Variants in XKR6 observed in about 807,000 individuals in gnomAD.
XKR6 encodes the protein XK related 6, also known as XK-related protein 6.
Under a neutral mutation model 56.7 loss-of-function variants are expected in XKR6, and 22 were observed. The observed-to-expected ratio is 0.39, with a 90% CI of 0.28 to 0.55. The LOEUF is 0.55. Ranked by LOEUF, XKR6 falls within the 20% of genes least tolerant of loss-of-function variation. The pLI is 0.66. For missense variants in XKR6, 852 were observed against 889.0 expected (o/e 0.96, Z 0.53); for synonymous variants, 524 against 387.8 (o/e 1.35, Z -4.13).
At chr8:11,142,573 T>G (rs1800761532) in intron 1 of XKR6, among the ~76,000 whole-genome samples, 1 of 152,130 alleles carries the variant, frequency 6.6e-6, no homozygotes, top group African/African-American at 2.4e-5. Flanking sequence ...TCACACGAGA[T>G]CTGATTGCTT....
Position 11,130,729 on chromosome 8 carries a change from G to C in XKR6, c.764+69847C>G, listed in dbSNP as rs149461358. ...TGTGTATCTTCCATCACAAGCCAAG[G>C]GATATGCTGAACAAATAAGAAGTAC... On this transcript the variant is annotated intron_variant, in intron 1 of 2. Transcript: ENST00000416569. Among the ~76,000 whole-genome samples, 569 of 151,996 alleles carry C rather than the reference G, an allele frequency of 3.7e-3. 4 individuals are homozygous for C. Among genetic ancestry groups the C allele is most frequent in the Non-Finnish European group, 5.0e-3 (340 of 67,990 alleles).
chr8:11,136,478 C>T (rs915611280), intron 1 of XKR6, among the ~76,000 whole-genome samples: 1 of 145,404 alleles, frequency 6.9e-6, no homozygotes, highest in Non-Finnish European at 1.5e-5. Context: ...CACTCCAGCC[C>T]GGGCAACAAA....
intron 1 of XKR6, among the ~76,000 whole-genome samples, chr8:11,176,548 A>G (rs1042777203): frequency 6.6e-6 from 1 of 152,136 alleles, no homozygotes; most frequent in African/African-American, 2.4e-5. Flanking sequence ...GTCAAGCCAG[A>G]TTTTACATCA....
chr8:11,021,999 A>G (rs527311663), intron 1 of XKR6, among the ~76,000 whole-genome samples: 101 of 151,550 alleles, frequency 6.7e-4, no homozygotes, highest in African/African-American at 2.3e-3. Flanking sequence ...TGAGCACTGG[A>G]CTGCACACTG....
intron 1 of XKR6, among the ~76,000 whole-genome samples, chr8:11,030,837 G>A (rs28714670): frequency 0.039 from 5,905 of 152,286 alleles, 393 homozygotes; most frequent in African/African-American, 0.14. Flanking sequence ...CCAAAATGAG[G>A]AGGGAATTGC....
At chr8:11,122,007 G>A (rs1799482840) in intron 1 of XKR6, among the ~76,000 whole-genome samples, 1 of 152,200 alleles carries the variant, frequency 6.6e-6, no homozygotes, top group Admixed American at 6.5e-5. Context: ...GATACAGGAA[G>A]GGGAACATCA....
chr8:10,976,168 T>C (rs1361447973), intron 1 of XKR6, among the ~76,000 whole-genome samples: 1 of 147,990 alleles, frequency 6.8e-6, no homozygotes, highest in Non-Finnish European at 1.5e-5. Context: ...AGAGCAAGAC[T>C]CCATCTCAAG....
At chr8:11,134,536 A>G (rs1410598120) in intron 1 of XKR6, among the ~76,000 whole-genome samples, 1 of 152,140 alleles carries the variant, frequency 6.6e-6, no homozygotes, top group African/African-American at 2.4e-5. Context: ...GTGCCATATG[A>G]ATGTGTGGCA....
At chr8:10,945,736 T>C (rs1331279020) in intron 1 of XKR6, among the ~76,000 whole-genome samples, 1 of 152,216 alleles carries the variant, frequency 6.6e-6, no homozygotes, top group African/African-American at 2.4e-5. Context: ...GGAAAGTTCA[T>C]ATGTCTCTAT....
chr8:10,972,124 C>T (rs572244582), intron 1 of XKR6, among the ~76,000 whole-genome samples: 7 of 152,222 alleles, frequency 4.6e-5, no homozygotes, highest in East Asian at 1.9e-4. Flanking sequence ...GAGTGCCTTC[C>T]GACCCCGACT....
chr8:11,136,112 C>A (rs546589936), intron 1 of XKR6, among the ~76,000 whole-genome samples: 2 of 152,208 alleles, frequency 1.3e-5, no homozygotes, highest in East Asian at 1.9e-4. Context: ...ATCCCACCAC[C>A]GGAAGTATCT....
chr8:11,168,370 T>C (rs1019673721), intron 1 of XKR6, among the ~76,000 whole-genome samples: 3 of 152,160 alleles, frequency 2.0e-5, no homozygotes, highest in African/African-American at 7.2e-5. Flanking sequence ...TAAACATAAA[T>C]GCACCAAACA....
intron 1 of XKR6, among the ~76,000 whole-genome samples, chr8:11,082,964 G>C (rs987659201): frequency 1.3e-5 from 2 of 152,192 alleles, no homozygotes; most frequent in Admixed American, 1.3e-4. Flanking sequence ...GGTAGCCCTA[G>C]GCAGGGCTTC....
At chr8:10,924,857 G>A in intron 1 of XKR6, 27 bp from the exon 2 acceptor site, 1 of 1,599,164 alleles carries the variant, frequency 6.3e-7, no homozygotes. Context: ...GGAGAACACA[G>A]AGAGCATGGG....
intron 1 of XKR6, among the ~76,000 whole-genome samples, chr8:11,094,660 G>C (rs1191395671): frequency 6.6e-6 from 1 of 152,142 alleles, no homozygotes; most frequent in African/African-American, 2.4e-5. Context: ...CATCGATGGA[G>C]TGGTTACTAG....
rs767991256 is a variant in XKR6 at position 10,898,253 on chromosome 8, G to A, written c.1625C>T (p.Thr542Met). 2.1e-5 allele frequency: 34 copies of A among 1,614,022 alleles called. No individual in the cohort carries two copies. Among genetic ancestry groups the A allele is most frequent in the South Asian group, 1.1e-4 (10 of 91,088 alleles). The change falls in exon 3 of 3, where the codon ACG (threonine) becomes ATG (methionine). Residue 542 changes from threonine (T) to methionine (M), a missense_variant. Transcript: ENST00000416569. The surrounding 1 kb of genome is among the most constrained non-coding windows in gnomAD (Gnocchi z 6.6). The stretch of plus-strand genomic sequence containing the variant: ...TTGTTCCGTTACGGCTCTGGTGGGC[G>A]TAACCTGGGTCCCCCGGTACCCAGG... Reference protein sequence around the residue: ...EIPGYRGTQVTPTRAVTEQQE... With the variant: ...EIPGYRGTQVMPTRAVTEQQE...
At chr8:10,989,993 C>A (rs974066402) in intron 1 of XKR6, among the ~76,000 whole-genome samples, 1 of 152,184 alleles carries the variant, frequency 6.6e-6, no homozygotes, top group Non-Finnish European at 1.5e-5. Flanking sequence ...AGAGCAGATG[C>A]CAAACTGGGA....
At chr8:10,924,563 T>A in intron 2 of XKR6, 71 bp downstream of exon 2, 2 of 1,529,930 alleles carry the variant, frequency 1.3e-6, no homozygotes, top group Non-Finnish European at 1.8e-6. Flanking sequence ...GCACGAAGTG[T>A]GTGGGAGGCG....
chr8:11,201,136 G>C lies in XKR6; in HGVS notation c.204C>G (p.Gly68=). 6.6e-7 allele frequency: 1 copy of C among 1,515,292 alleles called. No individual in the cohort carries two copies. Among genetic ancestry groups the C allele is most frequent in the Non-Finnish European group, 8.8e-7 (1 of 1,138,734 alleles). The allele number at this position is 1,515,292 out of a possible 1,614,324, so 93.9% of individuals were successfully genotyped here. A position where few individuals can be genotyped will look rare whatever the true frequency, so the allele number is the denominator to read the frequency against. ...HCCNTSSCYW[G]CRSACLRSLL... is the part of the protein sequence containing the mutation. ...GGGAGCGCAGGCAGGCGGAGCGGCA[G>C]CCCCAGTAGCACGAGGAGGTGTTGC... Residue 68 remains glycine, a synonymous_variant, in exon 1 of 3, where the codon GGC becomes GGG. Coordinates refer to ENST00000416569, the MANE Select transcript of XKR6 (RefSeq NM_173683.4).
Sources: allele counts gnomAD v4.1 joint callset (sites outside exome capture counted in the v4.1 genomes callset), GRCh38; gene constraint gnomAD v4.1.1; non-coding constraint Gnocchi (gnomAD v3.1); transcripts MANE v1.5; gene names NCBI Gene and HGNC (gene_info 2026-07-23, HGNC 2026-07-21).